Variants in ITPR2 observed in about 807,000 individuals in gnomAD.
ITPR2 encodes the protein inositol 1,4,5-trisphosphate receptor type 2.
Under a neutral mutation model 317.1 loss-of-function variants are expected in ITPR2, and 207 were observed. The ratio of observed to expected loss-of-function variants is 0.65; its 90% CI spans 0.58 to 0.73. ITPR2 has a LOEUF of 0.73. Ranked by LOEUF, ITPR2 falls within the 30% of genes least tolerant of loss-of-function variation. The pLI, the probability that ITPR2 is intolerant of heterozygous loss-of-function variation, is 0.00. For missense variants in ITPR2, 2,613 were observed against 3,284.0 expected (o/e 0.80, Z 4.99); for synonymous variants, 1,156 against 1,149.1 (o/e 1.01, Z -0.12).
In ITPR2 at chr12:26,439,327, C is replaced by T; in HGVS notation, c.6451-8G>A. The T allele has an allele frequency of 6.3e-7, 1 of 1,581,292 alleles. No individual in the cohort carries two copies. The highest frequency in any genetic ancestry group is 8.6e-7 in the Non-Finnish European group (1 of 1,163,606). On this transcript the variant is annotated splice_polypyrimidine_tract_variant and splice_region_variant and intron_variant, in intron 46 of 56. Coordinates refer to ENST00000381340, the MANE Select transcript of ITPR2 (RefSeq NM_002223.4). The stretch of plus-strand genomic sequence containing the variant: ...CCTATCATGCCGGACAATCTGAAAA[C>T]ATTAATTTGCATTGTTTTTAGCCTT...
Position 26,715,453 on chromosome 12 carries a change from A to G in ITPR2, c.709-8T>C. Reference sequence around the variant, plus strand: ...TAATCTAACAACGTCCCCCTAGCAAAAAGGTCAAGAGACATCTGAACAAAC... The same window carrying G: ...TAATCTAACAACGTCCCCCTAGCAAGAAGGTCAAGAGACATCTGAACAAAC... On this transcript the variant is annotated splice_region_variant and splice_polypyrimidine_tract_variant and intron_variant, in intron 7 of 56. Transcript: ENST00000381340. 6.2e-7 allele frequency: 1 copy of G among 1,611,666 alleles called. No individual in the cohort carries two copies. The highest frequency in any genetic ancestry group is 8.5e-7 in the Non-Finnish European group (1 of 1,178,646).
chr12:26,482,588 T>C (rs753250725), intron 42 of ITPR2, among the ~76,000 whole-genome samples: 46 of 152,354 alleles, frequency 3.0e-4, no homozygotes, highest in Non-Finnish European at 5.1e-4. Context: ...TCTTGTATCA[T>C]TGCTCTGGGA....
At chr12:26,732,227 G>T (rs879867115) in intron 2 of ITPR2, among the ~76,000 whole-genome samples, 4 of 152,228 alleles carry the variant, frequency 2.6e-5, no homozygotes, top group East Asian at 1.9e-4. Flanking sequence ...AAGAGGAAGA[G>T]AAATAGCATT....
intron 50 of ITPR2, among the ~76,000 whole-genome samples, chr12:26,417,296 G>A (rs1360129786): frequency 6.6e-6 from 1 of 151,998 alleles, no homozygotes; most frequent in African/African-American, 2.4e-5. Context: ...AAAGACCAGA[G>A]GAAAATACAA....
intron 2 of ITPR2, among the ~76,000 whole-genome samples, chr12:26,751,318 A>G (rs143443414): frequency 2.6e-4 from 40 of 152,280 alleles, no homozygotes; most frequent in African/African-American, 9.6e-4. Context: ...AAACCTACAC[A>G]TGTACCCACG....
intron 13 of ITPR2, among the ~76,000 whole-genome samples, chr12:26,675,550 G>A (rs1194378349): frequency 6.6e-6 from 1 of 151,892 alleles, no homozygotes; most frequent in Non-Finnish European, 1.5e-5. Flanking sequence ...CTGTTGTGGG[G>A]TGGGGGAAGG....
intron 2 of ITPR2, among the ~76,000 whole-genome samples, chr12:26,744,717 T>A (rs977505153): frequency 1.3e-5 from 2 of 152,212 alleles, no homozygotes; most frequent in African/African-American, 4.8e-5. Context: ...TTATTTTGGA[T>A]CGCAAACAGG....
chr12:26,605,826 A>T (rs1286597828), intron 26 of ITPR2, among the ~76,000 whole-genome samples: 1 of 152,242 alleles, frequency 6.6e-6, no homozygotes, highest in African/African-American at 2.4e-5. Flanking sequence ...AACCCCTTTT[A>T]ATTTCAGAAA....
At chr12:26,721,239 T>A (rs1948834598) in intron 5 of ITPR2, 1 of 489,348 alleles carries the variant, frequency 2.0e-6, no homozygotes, top group Non-Finnish European at 3.7e-6. Context: ...AACACAAGAC[T>A]TAAAGTGCAT....
At chr12:26,677,683 T>C (rs939419700) in intron 13 of ITPR2, among the ~76,000 whole-genome samples, 1 of 152,128 alleles carries the variant, frequency 6.6e-6, no homozygotes. Context: ...TCAGATTAGA[T>C]TGTTTCAAAT....
chr12:26,816,268 C>G (rs559273813), intron 1 of ITPR2, among the ~76,000 whole-genome samples: 1 of 152,178 alleles, frequency 6.6e-6, no homozygotes, highest in Admixed American at 6.5e-5. Context: ...GTATTTAATA[C>G]TTTAGGTATC....
intron 10 of ITPR2, among the ~76,000 whole-genome samples, chr12:26,687,754 G>A (rs1948157204): frequency 6.6e-6 from 1 of 152,136 alleles, no homozygotes; most frequent in African/African-American, 2.4e-5. Flanking sequence ...CTAAACAGGA[G>A]CAGGATTGTT....
chr12:26,365,940 ATT>A (rs1938994726), intron 55 of ITPR2, among the ~76,000 whole-genome samples: 5 of 152,234 alleles, frequency 3.3e-5, no homozygotes, highest in Admixed American at 2.0e-4. Flanking sequence ...ACTATAAATT[ATT>A]TTAAACTACA....
intron 2 of ITPR2, among the ~76,000 whole-genome samples, chr12:26,778,107 A>G (rs1428658953): frequency 6.6e-6 from 1 of 152,212 alleles, no homozygotes; most frequent in Non-Finnish European, 1.5e-5. Context: ...GCCAGAATGC[A>G]TAATTGCCAT....
At chr12:26,768,591 A>AAACC (rs1555188508) in intron 2 of ITPR2, among the ~76,000 whole-genome samples, 1 of 140,236 alleles carries the variant, frequency 7.1e-6, no homozygotes, top group African/African-American at 2.7e-5. Flanking sequence ...AAAAAAAAAA[A>AAACC]AAAAAACCTC....
chr12:26,701,642 G>A (rs1948448003), intron 9 of ITPR2, among the ~76,000 whole-genome samples: 1 of 152,038 alleles, frequency 6.6e-6, no homozygotes, highest in Non-Finnish European at 1.5e-5. Flanking sequence ...CACATACTAT[G>A]GCTGATACAT....
intron 2 of ITPR2, among the ~76,000 whole-genome samples, chr12:26,777,246 T>C (rs930954498): frequency 2.6e-5 from 4 of 152,170 alleles, no homozygotes; most frequent in African/African-American, 4.8e-5. Context: ...CTTAGGGAGA[T>C]TGGGATCCTA....
At chr12:26,669,765 G>T (rs1181753175) in intron 13 of ITPR2, among the ~76,000 whole-genome samples, 1 of 152,252 alleles carries the variant, frequency 6.6e-6, no homozygotes, top group East Asian at 1.9e-4. Context: ...CTCAGGAAGC[G>T]CAAGGGGTCA....
intron 2 of ITPR2, among the ~76,000 whole-genome samples, chr12:26,775,860 C>T (rs920600400): frequency 2.0e-5 from 3 of 148,328 alleles, no homozygotes; most frequent in African/African-American, 7.3e-5. Flanking sequence ...TTCCTTGCTC[C>T]TCAGCTTGCT....
Sources: allele counts gnomAD v4.1 joint callset (sites outside exome capture counted in the v4.1 genomes callset), GRCh38; gene constraint gnomAD v4.1.1; transcripts MANE v1.5; gene names NCBI Gene and HGNC (gene_info 2026-07-23, HGNC 2026-07-21).